NPDC1: variants seen among roughly 807,000 people sequenced by gnomAD.
The protein encoded by NPDC1 is neural proliferation, differentiation and control 1, also known as neural proliferation differentiation and control protein 1.
NPDC1 carries 18 observed loss-of-function variants against 32.5 expected under a neutral mutation model. The ratio of observed to expected loss-of-function variants is 0.55; its 90% CI spans 0.38 to 0.82. NPDC1 has a LOEUF of 0.82. NPDC1 is among the 40% of genes least tolerant of loss of function. The probability of loss-of-function intolerance (pLI) is 0.00; values close to 1 mark genes in which losing one functional copy is unlikely to be tolerated. For synonymous variants in NPDC1, 210 were observed against 184.7 expected (o/e 1.14, Z -1.11); for missense variants, 468 against 406.6 (o/e 1.15, Z -1.30).
intron 1 of NPDC1, 62 bp from the exon 2 acceptor site, chr9:137,043,135 G>A (rs749886894): frequency 3.4e-4 from 528 of 1,567,510 alleles, no homozygotes; most frequent in Middle Eastern, 2.9e-3. Context: ...CCCTGCACAC[G>A]GCAGCGCTGC....
At chr9:137,043,507 C>G in intron 1 of NPDC1, 1 of 609,678 alleles carries the variant, frequency 1.6e-6, no homozygotes, top group South Asian at 2.0e-5. Context: ...CAAACGATGC[C>G]GCCAGCGACC....
rs538867723 is a variant in NPDC1 at position 137,042,796 on chromosome 9, G to A, written c.259+131C>T. ...TGGTCTTGAACTCCTGACCTCATGA[G>A]ATCCAACAGCCTGGGCCTCCCACAG... On this transcript the variant is annotated intron_variant, in intron 2 of 8. Coordinates refer to ENST00000371601, the MANE Select transcript of NPDC1 (RefSeq NM_015392.4). The A allele has an allele frequency of 1.1e-5, 13 of 1,135,672 alleles. No individual in the cohort carries two copies. In the African/African-American group the frequency reaches 1.3e-4, roughly 11 times the overall value. The allele number at this position is 1,135,672 out of a possible 1,614,324, so 70.3% of individuals were successfully genotyped here. A position where few individuals can be genotyped will look rare whatever the true frequency, so the allele number is the denominator to read the frequency against.
rs563427747 is a variant in NPDC1 at position 137,045,511 on chromosome 9, C to G, written c.112+367G>C. On this transcript the variant is annotated intron_variant, in intron 1 of 8. Coordinates refer to ENST00000371601, the MANE Select transcript of NPDC1 (RefSeq NM_015392.4). The stretch of plus-strand genomic sequence containing the variant: ...GCCAGCCCCACACCCGCAGGAGCCC[C>G]GAACACGGAGACACAGAGACGCACA... Among the ~76,000 whole-genome samples the G allele has an allele frequency of 1.3e-3, 203 of 152,322 alleles. 1 individual carries two copies. Among genetic ancestry groups the G allele is most frequent in the African/African-American group, 4.8e-3 (199 of 41,586 alleles).
chr9:137,041,140 C>T lies in NPDC1; in HGVS notation c.307G>A (p.Ala103Thr). The T allele has an allele frequency of 1.3e-6, 2 of 1,499,546 alleles. No homozygotes were observed. Among genetic ancestry groups the T allele is most frequent in the Non-Finnish European group, 1.8e-6 (2 of 1,125,846 alleles). The allele number at this position is 1,499,546 out of a possible 1,614,324, so 92.9% of individuals were successfully genotyped here. Residue 103 changes from alanine to threonine, a missense_variant, in exon 3 of 9, where the codon GCC becomes ACC. Ala to Thr is a moderately conservative substitution (Grantham distance 58). Transcript: ENST00000371601. ...GACTCCTTCCGGGCAAGCTCCTGGGCCAGGAAGTCAATCTCATCTTCCAGT... is the reference window on the plus strand; with the variant it reads ...GACTCCTTCCGGGCAAGCTCCTGGGTCAGGAAGTCAATCTCATCTTCCAGT... ...PRLEDEIDFL[A>T]QELARKESGH...
At chr9:137,043,963 G>A (rs975468135) in intron 1 of NPDC1, 3 of 154,140 alleles carry the variant, frequency 1.9e-5, no homozygotes, top group African/African-American at 4.8e-5. Context: ...GCTAAGGAAT[G>A]TCCCCAGTCA....
chr9:137,043,960 A>C (rs964256306), intron 1 of NPDC1: 4 of 154,418 alleles, frequency 2.6e-5, no homozygotes, highest in African/African-American at 9.6e-5. Flanking sequence ...AAAGCTAAGG[A>C]ATGTCCCCAG....
rs1315533499 is a variant in NPDC1, at chr9:137,040,904, G to GGGGCGT, written c.460_465dup (p.Thr154_Pro155dup). 2 of 1,579,572 alleles carry GGGGCGT rather than the reference G, an allele frequency of 1.3e-6. No homozygotes were observed. Among genetic ancestry groups the GGGGCGT allele is most frequent in the Admixed American group, 3.7e-5 (2 of 53,480 alleles). On this transcript the variant is annotated inframe_insertion, in exon 4 of 9. Coordinates refer to ENST00000371601, the MANE Select transcript of NPDC1 (RefSeq NM_015392.4). ...GACACAGGGGAGCCCAGGGAGGTGT[G>GGGGCGT]GGGCGTGGGCGTGGGGGTTCCTGGA...
rs748472127 is a variant in NPDC1 at position 137,040,564 on chromosome 9, C to T, written c.658G>A (p.Asp220Asn). 5.7e-6 allele frequency: 9 copies of T among 1,583,414 alleles called. No individual in the cohort carries two copies. The highest frequency in any genetic ancestry group is 2.3e-5 in the East Asian group (1 of 43,552). Reference sequence around the variant, plus strand: ...CCAGGGGCCTTCGCAGTGGCGTAGTCGGCCTTCTGAGTCAGGCGGATCTCA... The same window carrying T: ...CCAGGGGCCTTCGCAGTGGCGTAGTTGGCCTTCTGAGTCAGGCGGATCTCA... ...QREIRLTQKADYATAKAPGSP... is the reference protein window; with the variant it reads ...QREIRLTQKANYATAKAPGSP... Residue 220 changes from aspartate (D) to asparagine (N), a missense_variant, in exon 6 of 9, where the codon GAC becomes AAC. Transcript: ENST00000371601.
At chr9:137,040,239 C>T (rs541831803) in intron 7 of NPDC1, 118 bp downstream of exon 7, 55 of 935,446 alleles carry the variant, frequency 5.9e-5, no homozygotes, top group Non-Finnish European at 8.0e-5. Flanking sequence ...TGAAGGTTAG[C>T]GTGCAGGTGA....
chr9:137,044,827 C>CT (rs1178463416), intron 1 of NPDC1, among the ~76,000 whole-genome samples: 1 of 152,258 alleles, frequency 6.6e-6, no homozygotes, highest in Non-Finnish European at 1.5e-5. Context: ...TGAGCACACT[C>CT]TGATTCTCGG....
In NPDC1 at chr9:137,041,050, C is replaced by T. The variant is rs369284366; in HGVS notation, c.385+12G>A. The T allele has an allele frequency of 8.7e-4, 1,316 of 1,517,450 alleles. 4 individuals are homozygous for T. The highest frequency in any genetic ancestry group is 1.1e-3 in the Non-Finnish European group (1,235 of 1,134,140). The allele number at this position is 1,517,450 out of a possible 1,614,324, so 94.0% of individuals were successfully genotyped here. A position where few individuals can be genotyped will look rare whatever the true frequency, so the allele number is the denominator to read the frequency against. Reference sequence around the variant, plus strand: ...GGACAGGGCCGTGGGGCAGGGGAAGCGGGGGTCTCACCAGGCTCCGGGAGC... The same window carrying T: ...GGACAGGGCCGTGGGGCAGGGGAAGTGGGGGTCTCACCAGGCTCCGGGAGC... On this transcript the variant is annotated intron_variant, in intron 3 of 8. Coordinates refer to ENST00000371601, the MANE Select transcript of NPDC1 (RefSeq NM_015392.4).
chr9:137,040,311 T>TG (rs1474338730), intron 7 of NPDC1, 46 bp downstream of exon 7: 12 of 867,322 alleles, frequency 1.4e-5, no homozygotes, highest in South Asian at 2.9e-5. Flanking sequence ...GAGGTGGGGA[T>TG]GGGGGGTGGG....
chr9:137,040,292 A>ATGGAGG (rs1832026089), intron 7 of NPDC1, 65 bp downstream of exon 7: 4 of 881,732 alleles, frequency 4.5e-6, no homozygotes, highest in African/African-American at 4.7e-5. Context: ...GGAGGTGGAA[A>ATGGAGG]TGGAGGTGGA....
chr9:137,040,876 G>A lies in NPDC1; in HGVS notation c.494C>T (p.Ser165Phe). Reference protein sequence around the residue: ...PHTSLGSPVSSDPVHMSPLEP... With the variant: ...PHTSLGSPVSFDPVHMSPLEP... Reference sequence around the variant, plus strand: ...CAGGGGCGACATGTGCACCGGGTCGGATGACACAGGGGAGCCCAGGGAGGT... The same window carrying A: ...CAGGGGCGACATGTGCACCGGGTCGAATGACACAGGGGAGCCCAGGGAGGT... The change falls in exon 4 of 9, where the codon TCC (serine) becomes TTC (phenylalanine). Residue 165 changes from serine to phenylalanine, a missense_variant. By Grantham distance (155) the Ser-to-Phe change is radical (BLOSUM62 -2). Transcript: ENST00000371601. 6.3e-7 allele frequency: 1 copy of A among 1,599,294 alleles called. No homozygotes were observed. The highest frequency in any genetic ancestry group is 8.5e-7 in the Non-Finnish European group (1 of 1,175,776).
chr9:137,044,589 C>G (rs1016115312), intron 1 of NPDC1, among the ~76,000 whole-genome samples: 6 of 152,204 alleles, frequency 3.9e-5, no homozygotes, highest in African/African-American at 1.4e-4. Context: ...GGCTGGCACA[C>G]CCCCCTCCAC....
Position 137,046,044 on chromosome 9 carries a change from G to A in NPDC1, c.-55C>T. 6.9e-6 allele frequency: 8 copies of A among 1,161,512 alleles called. No individual in the cohort carries two copies. Among genetic ancestry groups the A allele is most frequent in the Non-Finnish European group, 8.5e-6 (8 of 942,116 alleles). 72.0% of individuals were successfully genotyped at this position (1,161,512 alleles called of 1,614,324 possible). A position where few individuals can be genotyped will look rare whatever the true frequency, so the allele number is the denominator to read the frequency against. ...CACCGCGAGGCCAGGGGCTCGGCGC[G>A]GGCTCCGGGCTCCGCGTCGGGAGCA... is the stretch of plus-strand genomic sequence containing the variant. On this transcript the variant is annotated 5_prime_UTR_variant, in exon 1 of 9. Coordinates refer to ENST00000371601, the MANE Select transcript of NPDC1 (RefSeq NM_015392.4).
Position 137,041,024 on chromosome 9 carries a change from G to A in NPDC1, c.385+38C>T, listed in dbSNP as rs1228252014. The A allele has an allele frequency of 5.9e-6, 9 of 1,521,966 alleles. No homozygotes were observed. In the African/African-American group the frequency reaches 8.4e-5, roughly 14 times the overall value. The allele number at this position is 1,521,966 out of a possible 1,614,324, so 94.3% of individuals were successfully genotyped here. On this transcript the variant is annotated intron_variant, in intron 3 of 8. Coordinates refer to ENST00000371601, the MANE Select transcript of NPDC1 (RefSeq NM_015392.4). ...AGGTTAGAATGAGAGCACTGGGCTAGGGACAGGGCCGTGGGGCAGGGGAAG... is the reference window on the plus strand; with the variant it reads ...AGGTTAGAATGAGAGCACTGGGCTAAGGACAGGGCCGTGGGGCAGGGGAAG...
Position 137,040,734 on chromosome 9 carries a change from A to G in NPDC1, c.560T>C (p.Leu187Pro), listed in dbSNP as rs377547922. The G allele has an allele frequency of 6.3e-6, 10 of 1,589,280 alleles. No homozygotes were observed. Among genetic ancestry groups the G allele is most frequent in the African/African-American group, 2.7e-5 (2 of 74,844 alleles). The part of the protein sequence containing the change: ...GGQGDGLALV[L>P]ILAFCVAGAA... ...ACCGGCCACACAGAACGCCAGGATC[A>G]GCACTGCAGGAGGGGGCGTGTGAGG... The change falls in exon 5 of 9, where the codon CTG becomes CCG. Residue 187 changes from leucine to proline, a missense_variant. Leu to Pro is a moderately conservative substitution (Grantham distance 98). Coordinates refer to ENST00000371601, the MANE Select transcript of NPDC1 (RefSeq NM_015392.4).
rs762585872 is a variant in NPDC1, at chr9:137,040,610, G to C, written c.624-12C>G. The C allele has an allele frequency of 2.6e-5, 41 of 1,566,110 alleles. No individual in the cohort carries two copies. Among genetic ancestry groups the C allele is most frequent in the Non-Finnish European group, 3.4e-5 (39 of 1,160,850 alleles). On this transcript the variant is annotated splice_polypyrimidine_tract_variant and intron_variant, in intron 5 of 8. Transcript: ENST00000371601. ...TCTCACGCTGCAGCCTGTGGGGAGT[G>C]GGGCCTGAGACCTCTGAGCGTGTGG...
Sources: allele counts gnomAD v4.1 joint callset (sites outside exome capture counted in the v4.1 genomes callset), GRCh38; gene constraint gnomAD v4.1.1; transcripts MANE v1.5; gene names NCBI Gene and HGNC (gene_info 2026-07-23, HGNC 2026-07-21).